FLT1: variants seen among roughly 807,000 people sequenced by gnomAD.
The protein encoded by FLT1 is fms related receptor tyrosine kinase 1.
A neutral mutation model predicts 156.3 loss-of-function variants in FLT1; 49 were observed. That is an observed-to-expected ratio of 0.31 (90% CI 0.25 to 0.40). The LOEUF is 0.40. FLT1 is among the 10% of genes least tolerant of loss of function. The pLI, the probability that FLT1 is intolerant of heterozygous loss-of-function variation, is 1.00. For missense variants in FLT1, 1,322 were observed against 1,637.2 expected (o/e 0.81, Z 3.32); for synonymous variants, 594 against 583.8 (o/e 1.02, Z -0.25).
chr13:28,405,757 G>C, intron 11 of FLT1, 23 bp downstream of exon 11: 1 of 1,196,278 alleles, frequency 8.4e-7, no homozygotes, highest in Non-Finnish European at 1.3e-6. Flanking sequence ...AAATATCCCA[G>C]TGCGCATTTT....
chr13:28,390,141 AAATCAGTGTCTTTT>A, intron 12 of FLT1, 37 bp from the exon 13 acceptor site: 1 of 1,603,314 alleles, frequency 6.2e-7, no homozygotes, highest in African/African-American at 1.3e-5. Context: ...GTTCACAGAA[AAATCAGTGTCTTTT>A]AATGAGATAT....
intron 16 of FLT1, among the ~76,000 whole-genome samples, chr13:28,343,007 C>G (rs1872403287): frequency 6.6e-6 from 1 of 151,946 alleles, no homozygotes; most frequent in Admixed American, 6.6e-5. Flanking sequence ...GAGACAGAGT[C>G]TCACTGTGTC....
At chr13:28,394,017 A>G (rs1874892157) in intron 12 of FLT1, among the ~76,000 whole-genome samples, 1 of 152,254 alleles carries the variant, frequency 6.6e-6, no homozygotes, top group African/African-American at 2.4e-5. Context: ...TGAGTCAAGT[A>G]TAAACACTGA....
chr13:28,347,008 G>A (rs1438030394), intron 15 of FLT1, among the ~76,000 whole-genome samples: 1 of 152,032 alleles, frequency 6.6e-6, no homozygotes, highest in East Asian at 1.9e-4. Flanking sequence ...AGGGACAGTT[G>A]CCACTCTCAA....
intron 13 of FLT1, chr13:28,387,693 C>CT (rs1266588227): frequency 1.0e-5 from 11 of 1,059,536 alleles, no homozygotes; most frequent in Non-Finnish European, 1.3e-5. Context: ...TTTTAGGCTC[C>CT]TTTTTTCTCC....
At position 28,322,836 on chromosome 13, in the gene FLT1, G is replaced by A. The variant is rs562121827; in HGVS notation, c.2907C>T (p.Ser969=). ...TCAGACTTTTATCTTCCTGAAAGCC[G>A]GAGCTCGCAAAGCTTTCGCTGCTGG... The part of the protein sequence containing the change: ...SVTSSESFAS[S]GFQEDKSLSD... The change falls in exon 21 of 30, where the codon TCC becomes TCT. Residue 969 remains serine (S), a synonymous_variant. Transcript: ENST00000282397. This position sits in a 1 kb window ranked among gnomAD's most constrained non-coding sequence, Gnocchi z 4.3. 41 of 1,614,100 alleles carry A rather than the reference G, an allele frequency of 2.5e-5. No homozygotes were observed. Among genetic ancestry groups the A allele is most frequent in the African/African-American group, 8.0e-5 (6 of 75,016 alleles).
intron 3 of FLT1, among the ~76,000 whole-genome samples, chr13:28,452,846 C>T (rs1879027328): frequency 1.3e-5 from 2 of 151,546 alleles, no homozygotes; most frequent in South Asian, 4.2e-4. Context: ...AGGCAGGCAC[C>T]CATTTTAAAG....
chr13:28,419,651 G>A lies in FLT1; in HGVS notation c.1436+7508C>T, dbSNP rs541542638. 1.5e-4 allele frequency among the ~76,000 whole-genome samples: 23 copies of A among 152,302 alleles called. 1 individual carries two copies. Among genetic ancestry groups the A allele is most frequent in the African/African-American group, 5.5e-4 (23 of 41,570 alleles). On this transcript the variant is annotated intron_variant, in intron 10 of 29. Transcript: ENST00000282397. ...TCCCAGCACTTTGGGAGGCCGAGGCGGATGGATCACGAGGTCAGGGGATCG... is the reference window on the plus strand; with the variant it reads ...TCCCAGCACTTTGGGAGGCCGAGGCAGATGGATCACGAGGTCAGGGGATCG...
rs1159209071 is a variant in FLT1 at position 28,322,946 on chromosome 13, C to T, written c.2797G>A (p.Asp933Asn). The change falls in exon 21 of 30, where the codon GAT becomes AAT. Residue 933 changes from aspartate to asparagine, a missense_variant and splice_region_variant. By Grantham distance (23) the Asp-to-Asn change is conservative. Coordinates refer to ENST00000282397, the MANE Select transcript of FLT1 (RefSeq NM_002019.4). This position sits in a 1 kb window ranked among gnomAD's most constrained non-coding sequence, Gnocchi z 4.3. ...SKRDLFFLNK[D>N]AALHMEPKKE... ...TTAGGCTCCATGTGTAGTGCTGCAT[C>T]CTTTGAAGAGACCGAAAAGGACCCA... 2 of 1,613,948 alleles carry T rather than the reference C, an allele frequency of 1.2e-6. No individual in the cohort carries two copies. The highest frequency in any genetic ancestry group is 1.3e-5 in the African/African-American group (1 of 74,852).
chr13:28,310,806 A>G (rs1870973387), intron 27 of FLT1, among the ~76,000 whole-genome samples: 1 of 152,248 alleles, frequency 6.6e-6, no homozygotes, highest in Non-Finnish European at 1.5e-5. Flanking sequence ...GGGAAAAGAA[A>G]AGATGGGGGA....
At chr13:28,354,678 AAG>A (rs746722354) in intron 15 of FLT1, among the ~76,000 whole-genome samples, 44 of 152,254 alleles carry the variant, frequency 2.9e-4, no homozygotes, top group Non-Finnish European at 5.4e-4. Context: ...TTAAGCAAAA[AAG>A]GTTGGATATA....
intron 1 of FLT1, among the ~76,000 whole-genome samples, chr13:28,491,544 C>A (rs186544029): frequency 6.6e-4 from 101 of 152,292 alleles, no homozygotes; most frequent in Non-Finnish European, 1.8e-4. Flanking sequence ...CATCCTCTAC[C>A]AGCCCATCTC....
intron 27 of FLT1, among the ~76,000 whole-genome samples, chr13:28,311,278 G>A (rs1029431483): frequency 2.0e-5 from 3 of 152,172 alleles, no homozygotes; most frequent in Admixed American, 6.5e-5. Context: ...CTTCCAAAAT[G>A]TATACTAAAG....
chr13:28,316,115 C>T (rs191593215), intron 25 of FLT1, among the ~76,000 whole-genome samples: 126 of 152,316 alleles, frequency 8.3e-4, no homozygotes, highest in African/African-American at 2.8e-3. Context: ...ATGAGGACAC[C>T]ACGCACCAGT....
At chr13:28,466,053 A>T (rs992007180) in intron 3 of FLT1, among the ~76,000 whole-genome samples, 1 of 152,030 alleles carries the variant, frequency 6.6e-6, no homozygotes, top group Admixed American at 6.6e-5. Context: ...TGTGTTCTCT[A>T]CAGCCTTGTT....
At chr13:28,338,967 G>T (rs1297041865) in intron 17 of FLT1, among the ~76,000 whole-genome samples, 1 of 152,180 alleles carries the variant, frequency 6.6e-6, no homozygotes, top group Non-Finnish European at 1.5e-5. Context: ...AGAACAAACA[G>T]GTGCTGCGTG....
chr13:28,445,658 T>C (rs1878576541), intron 3 of FLT1, among the ~76,000 whole-genome samples: 1 of 151,906 alleles, frequency 6.6e-6, no homozygotes, highest in South Asian at 2.1e-4. Flanking sequence ...AGAGATTGAA[T>C]TGTAACAACA....
chr13:28,437,396 C>G (rs1353364999), intron 4 of FLT1, among the ~76,000 whole-genome samples: 2 of 152,150 alleles, frequency 1.3e-5, no homozygotes, highest in Non-Finnish European at 2.9e-5. Flanking sequence ...CCACAGCTAC[C>G]AGCACCAAAC....
chr13:28,388,505 A>G (rs1874507487), intron 13 of FLT1: 4 of 1,040,420 alleles, frequency 3.8e-6, no homozygotes, highest in Non-Finnish European at 4.6e-6. Flanking sequence ...TCAATCATAA[A>G]TAAAAACAAC....
Sources: gnomAD v4.1 joint callset for allele counts (sites outside exome capture counted in the v4.1 genomes callset) on GRCh38, gnomAD v4.1.1 for gene constraint, Gnocchi (gnomAD v3.1) non-coding constraint, MANE v1.5 for transcripts, NCBI Gene and HGNC (gene_info 2026-07-23, HGNC 2026-07-21) for gene names.